The following MYOCD variants were observed in gnomAD, a reference collection of about 807,000 sequenced individuals.
MYOCD encodes the protein myocardin.
In MYOCD, 32 loss-of-function variants were observed where a neutral mutation model predicts 96.1. That is an observed-to-expected ratio of 0.33 (90% CI 0.25 to 0.45). The LOEUF (loss-of-function observed/expected upper bound fraction) is 0.45. MYOCD is among the 20% of genes least tolerant of loss of function. The probability of loss-of-function intolerance (pLI) is 1.00; values close to 1 mark genes in which losing one functional copy is unlikely to be tolerated. For synonymous variants in MYOCD, 469 were observed against 469.0 expected, an observed-to-expected ratio of 1.00 and a Z score of 0.00; for missense variants, 1,133 against 1,200.6, an observed-to-expected ratio of 0.94 and a Z score of 0.83.
intron 13 of MYOCD, 97 bp from the exon 14 acceptor site, chr17:12,762,976 G>C: frequency 1.0e-6 from 1 of 986,008 alleles, no homozygotes; most frequent in Non-Finnish European, 1.5e-6. Context: ...GACCAGGGAA[G>C]CGTGGCCATC....
intron 3 of MYOCD, among the ~76,000 whole-genome samples, chr17:12,716,941 G>T (rs192084932): frequency 1.4e-5 from 2 of 141,048 alleles, no homozygotes; most frequent in African/African-American, 5.5e-5. Context: ...AGTGAGCTTT[G>T]ATTGTGCCAC....
At chr17:12,682,541 A>G (rs964006851) in intron 1 of MYOCD, among the ~76,000 whole-genome samples, 10 of 152,228 alleles carry the variant, frequency 6.6e-5, no homozygotes, top group Non-Finnish European at 1.2e-4. Flanking sequence ...AAGGTAAAAG[A>G]CTAAATTATA....
chr17:12,736,959 TA>T (rs2032364398), intron 6 of MYOCD, among the ~76,000 whole-genome samples: 1 of 152,138 alleles, frequency 6.6e-6, no homozygotes, highest in Admixed American at 6.5e-5. Context: ...TTATAAAGAA[TA>T]ATGATGATTA....
At chr17:12,687,112 A>G (rs1412207893) in intron 1 of MYOCD, among the ~76,000 whole-genome samples, 1 of 152,148 alleles carries the variant, frequency 6.6e-6, no homozygotes, top group African/African-American at 2.4e-5. Context: ...TAAAACATAG[A>G]GTTTTAACAT....
At chr17:12,679,332 A>G (rs1910307570) in intron 1 of MYOCD, among the ~76,000 whole-genome samples, 1 of 152,186 alleles carries the variant, frequency 6.6e-6, no homozygotes, top group Non-Finnish European at 1.5e-5. Flanking sequence ...AGGAGGACAG[A>G]ATGAGGCATA....
Position 12,758,133 on chromosome 17 carries a change from C to G in MYOCD, c.2251C>G (p.Pro751Ala), listed in dbSNP as rs1234959246. The G allele has an allele frequency of 4.3e-6, 7 of 1,614,148 alleles. No homozygotes were observed. The highest frequency in any genetic ancestry group is 1.7e-5 in the Admixed American group (1 of 60,026). The change falls in exon 12 of 14, where the codon CCA becomes GCA. Residue 751 changes from proline to alanine, a missense_variant. Pro to Ala is a conservative substitution (Grantham distance 27, BLOSUM62 -1). Transcript: ENST00000425538. ...SDKVGPKFSI[P>A]SPTFSKSSSA... is the part of the protein sequence containing the mutation. ...TAAGGTGGGGCCAAAGTTTTCAATT[C>G]CATCCCCAACTTTTTCTAAGTCAAG...
chr17:12,699,436 A>G (rs1033347249), intron 1 of MYOCD, among the ~76,000 whole-genome samples: 3 of 152,150 alleles, frequency 2.0e-5, no homozygotes, highest in Admixed American at 6.5e-5. Context: ...CTTTGATCAT[A>G]TATTTCTCTT....
intron 1 of MYOCD, among the ~76,000 whole-genome samples, chr17:12,685,381 G>A (rs1278621936): frequency 6.6e-6 from 1 of 152,168 alleles, no homozygotes. Context: ...AAGGCAGGTG[G>A]ATCACTTGAG....
chr17:12,755,736 G>T (rs765318086), intron 10 of MYOCD, among the ~76,000 whole-genome samples: 3 of 152,166 alleles, frequency 2.0e-5, no homozygotes, highest in Non-Finnish European at 4.4e-5. Context: ...GCCGGGCGTG[G>T]TGGCACGCGC....
rs139766398 is a variant in MYOCD, at chr17:12,699,775, C to T, written c.56-5353C>T. ...ATCTAAAGTGTGCTACGGACCCATA[C>T]CCAAGAAAATAATGCATATACGCAG... On this transcript the variant is annotated intron_variant, in intron 1 of 13. Transcript: ENST00000425538. Among the ~76,000 whole-genome samples, 126 of 152,156 alleles carry T rather than the reference C, an allele frequency of 8.3e-4. 1 individual carries two copies. Among genetic ancestry groups the T allele is most frequent in the African/African-American group, 2.7e-3 (112 of 41,528 alleles).
intron 1 of MYOCD, among the ~76,000 whole-genome samples, chr17:12,678,313 C>CA (rs34341177): frequency 0.23 from 34,474 of 147,756 alleles, 4,075 homozygotes; most frequent in Non-Finnish European, 0.24. Context: ...CTTTTCCTTT[C>CA]AAAAAAAAAA....
At chr17:12,750,084 G>A (rs2150717209) in intron 9 of MYOCD, among the ~76,000 whole-genome samples, 1 of 152,046 alleles carries the variant, frequency 6.6e-6, no homozygotes, top group African/African-American at 2.4e-5. Flanking sequence ...TGATCCGCCC[G>A]CCTCGGCCTC....
intron 1 of MYOCD, among the ~76,000 whole-genome samples, chr17:12,700,566 A>C (rs2031020814): frequency 6.7e-6 from 1 of 150,364 alleles, no homozygotes; most frequent in Non-Finnish European, 1.5e-5. Flanking sequence ...GGCACCCCCC[A>C]CCACACCCAG....
In MYOCD at chr17:12,693,148, T is replaced by G. The variant is rs189337976; in HGVS notation, c.56-11980T>G. Among the ~76,000 whole-genome samples the G allele has an allele frequency of 2.3e-3, 352 of 152,280 alleles. 3 individuals are homozygous for G. Among genetic ancestry groups the G allele is most frequent in the Non-Finnish European group, 3.5e-3 (236 of 68,018 alleles). ...TCTGACTCAATAGGCTTCACACCTA[T>G]TCTATGATTATAGAATATTAAGGGA... is the stretch of plus-strand genomic sequence containing the variant. On this transcript the variant is annotated intron_variant, in intron 1 of 13. Coordinates refer to ENST00000425538, the MANE Select transcript of MYOCD (RefSeq NM_001146312.3).
At position 12,705,053 on chromosome 17, in the gene MYOCD, A is replaced by G. The variant is rs542878046; in HGVS notation, c.56-75A>G. The G allele has an allele frequency of 7.7e-6, 7 of 905,490 alleles. No homozygotes were observed. The African/African-American group carries it at 1.2e-4, about 15-fold the overall frequency. 56.1% of individuals were successfully genotyped at this position (905,490 alleles called of 1,614,324 possible). ...TTTTAGAAATAAAATGAGACGATCTATGAATGTGTAATGAAAATATAATGA... is the reference window on the plus strand; with the variant it reads ...TTTTAGAAATAAAATGAGACGATCTGTGAATGTGTAATGAAAATATAATGA... On this transcript the variant is annotated intron_variant, in intron 1 of 13. Coordinates refer to ENST00000425538, the MANE Select transcript of MYOCD (RefSeq NM_001146312.3).
intron 3 of MYOCD, among the ~76,000 whole-genome samples, chr17:12,716,606 G>C (rs2031647606): frequency 6.6e-6 from 1 of 152,166 alleles, no homozygotes; most frequent in African/African-American, 2.4e-5. Context: ...TAACGGGAAA[G>C]AGGCATACGT....
chr17:12,673,882 G>A (rs1412361807), intron 1 of MYOCD, among the ~76,000 whole-genome samples: 1 of 152,188 alleles, frequency 6.6e-6, no homozygotes, highest in African/African-American at 2.4e-5. Flanking sequence ...TTACCCAATG[G>A]TGGCTGGTAT....
chr17:12,748,723 T>G (rs979315773), intron 9 of MYOCD, among the ~76,000 whole-genome samples: 5 of 152,288 alleles, frequency 3.3e-5, no homozygotes, highest in African/African-American at 9.6e-5. Flanking sequence ...GCAAGACAGA[T>G]TCTAAAAATA....
chr17:12,697,976 G>T (rs2150665389), intron 1 of MYOCD, among the ~76,000 whole-genome samples: 1 of 152,246 alleles, frequency 6.6e-6, no homozygotes, highest in East Asian at 1.9e-4. Flanking sequence ...CGTATGCAGG[G>T]ATATCATAAT....
Sources: allele counts gnomAD v4.1 joint callset (sites outside exome capture counted in the v4.1 genomes callset), GRCh38; gene constraint gnomAD v4.1.1; transcripts MANE v1.5; gene names NCBI Gene and HGNC (gene_info 2026-07-23, HGNC 2026-07-21).